Variants in PLCH1 observed in about 807,000 individuals in gnomAD.
PLCH1 encodes phospholipase C eta 1, also known as 1-phosphatidylinositol 4,5-bisphosphate phosphodiesterase eta-1.
Under a neutral mutation model 126.7 loss-of-function variants are expected in PLCH1, and 60 were observed. That is an observed-to-expected ratio of 0.47 (90% CI 0.38 to 0.59). The LOEUF (loss-of-function observed/expected upper bound fraction) is 0.59. Among genes scored for constraint, PLCH1 ranks in the 20% least tolerant of loss-of-function variants. The pLI is 0.00. For missense variants in PLCH1, 1,723 were observed against 2,040.0 expected (o/e 0.84, Z 2.99); for synonymous variants, 719 against 734.9 (o/e 0.98, Z 0.35).
chr3:155,666,398 G>A (rs1286555796), intron 2 of PLCH1, among the ~76,000 whole-genome samples: 1 of 151,964 alleles, frequency 6.6e-6, no homozygotes, highest in Non-Finnish European at 1.5e-5. Flanking sequence ...CAAGTTTTTA[G>A]TTCTCTTCTT....
At chr3:155,638,417 T>C (rs908301021) in intron 2 of PLCH1, among the ~76,000 whole-genome samples, 1 of 152,228 alleles carries the variant, frequency 6.6e-6, no homozygotes, top group Non-Finnish European at 1.5e-5. Flanking sequence ...AATTTAAGCC[T>C]GCTATAAGAG....
At chr3:155,535,126 C>T (rs1236031164) in intron 10 of PLCH1, among the ~76,000 whole-genome samples, 1 of 152,118 alleles carries the variant, frequency 6.6e-6, no homozygotes, top group Non-Finnish European at 1.5e-5. Flanking sequence ...GTGGGCACAC[C>T]CAGTACCCAG....
intron 1 of PLCH1, among the ~76,000 whole-genome samples, chr3:155,719,078 G>A (rs1747742025): frequency 6.6e-6 from 1 of 152,034 alleles, no homozygotes; most frequent in Non-Finnish European, 1.5e-5. Flanking sequence ...CAGTTCTTTA[G>A]TGGTGATTTC....
At chr3:155,656,724 A>G (rs1382728312) in intron 2 of PLCH1, among the ~76,000 whole-genome samples, 2 of 152,216 alleles carry the variant, frequency 1.3e-5, no homozygotes, top group Non-Finnish European at 2.9e-5. Context: ...GAGGCATTCA[A>G]CTAAGGTCAG....
chr3:155,739,473 G>T (rs760516691), intron 1 of PLCH1, among the ~76,000 whole-genome samples: 3 of 151,978 alleles, frequency 2.0e-5, no homozygotes, highest in Non-Finnish European at 4.4e-5. Flanking sequence ...AGCCCACATC[G>T]TTTATAAACA....
chr3:155,654,309 T>G (rs762353443), intron 2 of PLCH1, among the ~76,000 whole-genome samples: 1 of 152,148 alleles, frequency 6.6e-6, no homozygotes, highest in African/African-American at 2.4e-5. Context: ...TATGACCTTC[T>G]TCTTTCTCTC....
intron 1 of PLCH1, among the ~76,000 whole-genome samples, chr3:155,744,410 G>A (rs1749840203): frequency 6.6e-6 from 1 of 152,206 alleles, no homozygotes; most frequent in Non-Finnish European, 1.5e-5. Context: ...TGTAACGGAC[G>A]CTGCACTCCC....
intron 6 of PLCH1, among the ~76,000 whole-genome samples, chr3:155,573,906 G>A (rs1342656789): frequency 6.6e-6 from 1 of 151,960 alleles, no homozygotes; most frequent in African/African-American, 2.4e-5. Flanking sequence ...GCATCACTTA[G>A]TCAAATCCTC....
chr3:155,718,958 T>A (rs1747731671), intron 1 of PLCH1, among the ~76,000 whole-genome samples: 1 of 152,210 alleles, frequency 6.6e-6, no homozygotes, highest in African/African-American at 2.4e-5. Context: ...AGTCATGTTA[T>A]TTCATGACTA....
chr3:155,675,634 A>G (rs1577301826), intron 2 of PLCH1, among the ~76,000 whole-genome samples: 1 of 152,338 alleles, frequency 6.6e-6, no homozygotes, highest in African/African-American at 2.4e-5. Flanking sequence ...AGACTTGACA[A>G]TGTTTCAGTT....
chr3:155,535,381 G>C (rs1723214120), intron 10 of PLCH1, among the ~76,000 whole-genome samples: 1 of 152,240 alleles, frequency 6.6e-6, no homozygotes, highest in Non-Finnish European at 1.5e-5. Context: ...TCAGTGGGGA[G>C]GCTTGTAGCC....
downstream of PLCH1, among the ~76,000 whole-genome samples, chr3:155,476,325 C>G (rs961707996): frequency 3.3e-5 from 5 of 152,120 alleles, no homozygotes; most frequent in Non-Finnish European, 7.4e-5. Flanking sequence ...AACAGACCCA[C>G]AGCTAGTATC....
intron 10 of PLCH1, among the ~76,000 whole-genome samples, chr3:155,545,613 G>A (rs1214669706): frequency 2.0e-5 from 3 of 152,216 alleles, no homozygotes; most frequent in Non-Finnish European, 4.4e-5. Context: ...CAATATCCTT[G>A]ATGAACATCA....
chr3:155,707,799 A>G (rs1315820260), intron 1 of PLCH1, among the ~76,000 whole-genome samples: 1 of 152,222 alleles, frequency 6.6e-6, no homozygotes, highest in East Asian at 1.9e-4. Context: ...ATCCAATCAG[A>G]GTTGAGACCT....
chr3:155,555,342 T>C (rs1726689634), intron 8 of PLCH1, among the ~76,000 whole-genome samples: 1 of 152,162 alleles, frequency 6.6e-6, no homozygotes, highest in Admixed American at 6.5e-5. Flanking sequence ...AGAAAGTATG[T>C]GCACCACTTC....
chr3:155,714,278 G>T (rs1747350716), intron 1 of PLCH1, among the ~76,000 whole-genome samples: 2 of 151,140 alleles, frequency 1.3e-5, no homozygotes, highest in Admixed American at 1.3e-4. Flanking sequence ...ATTACACAGG[G>T]CAGGGATGGG....
At chr3:155,556,940 T>C (rs367658877) in intron 8 of PLCH1, among the ~76,000 whole-genome samples, 25 of 152,276 alleles carry the variant, frequency 1.6e-4, no homozygotes, top group African/African-American at 5.5e-4. Flanking sequence ...GCTATCTATA[T>C]TAATCCACTA....
intron 1 of PLCH1, among the ~76,000 whole-genome samples, chr3:155,711,949 GA>G: frequency 6.6e-6 from 1 of 152,330 alleles, no homozygotes; most frequent in African/African-American, 2.4e-5. Flanking sequence ...CAGAGAAATG[GA>G]AACAAACCAA....
chr3:155,481,629 T>A lies in PLCH1; in HGVS notation c.4397A>T (p.Lys1466Met). ...AGGCAAAGGAAGATGTGCCAACTGC[T>A]TGGGTACAGGGACATGCATATCTTG... ...SAQDMHVPVP[K>M]QLAHLPLPAL... Residue 1466 changes from lysine (K) to methionine (M), a missense_variant, in exon 23 of 23, where the codon AAG becomes ATG. Transcript: ENST00000460012. This position sits in a 1 kb window ranked among gnomAD's most constrained non-coding sequence, Gnocchi z 4.2. 6.2e-7 allele frequency: 1 copy of A among 1,614,166 alleles called. No homozygotes were observed. Among genetic ancestry groups the A allele is most frequent in the Non-Finnish European group, 8.5e-7 (1 of 1,180,030 alleles).
Sources: allele counts gnomAD v4.1 joint callset (sites outside exome capture counted in the v4.1 genomes callset), GRCh38; gene constraint gnomAD v4.1.1; non-coding constraint Gnocchi (gnomAD v3.1); transcripts MANE v1.5; gene names NCBI Gene and HGNC (gene_info 2026-07-23, HGNC 2026-07-21).